REG4: variants seen among roughly 807,000 people sequenced by gnomAD.
REG4 encodes the protein regenerating family member 4.
A neutral mutation model predicts 22.3 loss-of-function variants in REG4; 16 were observed. That is an observed-to-expected ratio of 0.72 (90% CI 0.49 to 1.09). REG4 has a LOEUF of 1.09. Ranked by LOEUF, REG4 falls within the 50% of genes least tolerant of loss-of-function variation. The pLI, the probability that REG4 is intolerant of heterozygous loss-of-function variation, is 0.00. For missense variants in REG4, 214 were observed against 193.9 expected (o/e 1.10, Z -0.61); for synonymous variants, 71 against 69.2 (o/e 1.03, Z -0.13).
At position 119,811,397 on chromosome 1, in the gene REG4, G is replaced by A. The variant is rs920977854; in HGVS notation, c.-95+12C>T. On this transcript the variant is annotated intron_variant, in intron 1 of 5. Transcript: ENST00000256585. ...AAGAAAGTCCCCCATCATCAACCGC[G>A]AGGAGGATTACCTGTTTGGCAACCA... 2.6e-5 allele frequency: 4 copies of A among 151,880 alleles called. No individual in the cohort carries two copies. The highest frequency in any genetic ancestry group is 7.3e-5 in the African/African-American group (3 of 41,256). The allele number at this position is 151,880 out of a possible 1,614,324, so 9.4% of individuals were successfully genotyped here.
At chr1:119,810,094 G>C (rs1360383299) in intron 1 of REG4, among the ~76,000 whole-genome samples, 2 of 151,624 alleles carry the variant, frequency 1.3e-5, no homozygotes, top group Admixed American at 6.6e-5. Flanking sequence ...TTCTCAGTTT[G>C]TATTTTTCTC....
chr1:119,799,422 A>G (rs1654032564), intron 4 of REG4, among the ~76,000 whole-genome samples: 1 of 148,596 alleles, frequency 6.7e-6, no homozygotes, highest in African/African-American at 2.6e-5. Context: ...ACACACACAC[A>G]CACACACACA....
chr1:119,799,579 T>G, intron 4 of REG4, 146 bp downstream of exon 4: 2 of 1,014,700 alleles, frequency 2.0e-6, no homozygotes, highest in Non-Finnish European at 2.9e-6. Context: ...CCCCTGACCT[T>G]GAGACTTTGG....
rs1300224153 is a variant in REG4, at chr1:119,808,815, C to A, written c.-46G>T. The A allele has an allele frequency of 7.1e-7, 1 of 1,415,294 alleles. No individual in the cohort carries two copies. The highest frequency in any genetic ancestry group is 1.0e-6 in the Non-Finnish European group (1 of 1,003,174). The allele number at this position is 1,415,294 out of a possible 1,614,324, so 87.7% of individuals were successfully genotyped here. A position where few individuals can be genotyped will look rare whatever the true frequency, so the allele number is the denominator to read the frequency against. On this transcript the variant is annotated 5_prime_UTR_variant, in exon 2 of 6. Coordinates refer to ENST00000256585, the MANE Select transcript of REG4 (RefSeq NM_032044.4). ...GTAGCTAGTGCAAGGATCTCAGAGA[C>A]CTTACTAGCGCTTCTTTGAAACTCC...
At chr1:119,797,631 G>A (rs989729915) in intron 5 of REG4, among the ~76,000 whole-genome samples, 6 of 152,162 alleles carry the variant, frequency 3.9e-5, no homozygotes, top group East Asian at 3.9e-4. Context: ...TCAAGTATAC[G>A]ACCTTTGGCA....
intron 2 of REG4, among the ~76,000 whole-genome samples, chr1:119,804,559 A>G (rs1290646307): frequency 6.6e-6 from 1 of 152,272 alleles, no homozygotes; most frequent in Non-Finnish European, 1.5e-5. Flanking sequence ...TATACTACAA[A>G]CAAACAGCAA....
At chr1:119,797,980 G>A (rs965648827) in intron 5 of REG4, among the ~76,000 whole-genome samples, 24 of 152,340 alleles carry the variant, frequency 1.6e-4, no homozygotes, top group African/African-American at 5.5e-4. Flanking sequence ...AGGCTCACGC[G>A]AGTGTGTGCA....
chr1:119,805,343 G>A (rs73000462), intron 2 of REG4, among the ~76,000 whole-genome samples: 3,036 of 152,214 alleles, frequency 0.02, 114 homozygotes, highest in African/African-American at 0.07. Flanking sequence ...GTGGCAAAGA[G>A]GAACCCAAAT....
rs771774182 is a variant in REG4, at chr1:119,799,847, A to T, written c.181T>A (p.Tyr61Asn). The change falls in exon 4 of 6, where the codon TAC (tyrosine) becomes AAC (asparagine). Residue 61 changes from tyrosine (Y) to asparagine (N), a missense_variant. Coordinates refer to ENST00000256585, the MANE Select transcript of REG4 (RefSeq NM_032044.4). ...WSDAELECQS[Y>N]GNGAHLASIL... The stretch of plus-strand genomic sequence containing the variant: ...GATGCCAGGTGGGCTCCGTTTCCGT[A>T]AGACTGACACTCGAGCTATGTACAA... 6.2e-7 allele frequency: 1 copy of T among 1,614,026 alleles called. No individual in the cohort carries two copies. The highest frequency in any genetic ancestry group is 1.3e-5 in the African/African-American group (1 of 75,046).
chr1:119,806,819 A>T (rs1654335107), intron 2 of REG4, among the ~76,000 whole-genome samples: 1 of 152,184 alleles, frequency 6.6e-6, no homozygotes, highest in Non-Finnish European at 1.5e-5. Context: ...CACTTATTAC[A>T]TGTATGACCT....
At chr1:119,806,116 T>C (rs748590728) in intron 2 of REG4, among the ~76,000 whole-genome samples, 12 of 152,204 alleles carry the variant, frequency 7.9e-5, no homozygotes, top group South Asian at 2.1e-4. Flanking sequence ...TACTTTTTTT[T>C]TAGTAGAGAC....
chr1:119,797,716 CA>C (rs1468730425), intron 5 of REG4, among the ~76,000 whole-genome samples: 2 of 152,198 alleles, frequency 1.3e-5, no homozygotes, highest in Admixed American at 6.5e-5. Flanking sequence ...TGGTTCTCAC[CA>C]GGGGGTGAAT....
At chr1:119,801,574 G>A (rs959498420) in intron 3 of REG4, 1 of 152,274 alleles carries the variant, frequency 6.6e-6, no homozygotes, top group Admixed American at 6.5e-5. Context: ...GTACTGCTGG[G>A]GCTGTAACTA....
intron 2 of REG4, among the ~76,000 whole-genome samples, chr1:119,807,180 G>A (rs143713936): frequency 6.6e-6 from 1 of 152,344 alleles, no homozygotes; most frequent in Non-Finnish European, 1.5e-5. Context: ...CACTGTGGAA[G>A]CAATAAGAGT....
intron 2 of REG4, 130 bp from the exon 3 acceptor site, chr1:119,803,295 C>A: frequency 1.1e-6 from 1 of 874,976 alleles, no homozygotes. Flanking sequence ...GCTACACTGC[C>A]AAAAATGTAT....
intron 2 of REG4, among the ~76,000 whole-genome samples, chr1:119,807,684 T>C (rs752242099): frequency 6.6e-5 from 10 of 152,118 alleles, no homozygotes; most frequent in Non-Finnish European, 1.5e-4. Flanking sequence ...CTGAGCAGCC[T>C]GCGATAGTTC....
chr1:119,810,219 G>C (rs587758730), intron 1 of REG4, among the ~76,000 whole-genome samples: 1 of 151,846 alleles, frequency 6.6e-6, no homozygotes, highest in Non-Finnish European at 1.5e-5. Flanking sequence ...GTCACATAAG[G>C]TTAAAATATT....
intron 2 of REG4, among the ~76,000 whole-genome samples, chr1:119,807,699 A>T (rs751312520): frequency 1.8e-4 from 28 of 152,182 alleles, no homozygotes; most frequent in Non-Finnish European, 3.1e-4. Context: ...TAGTTCAGTG[A>T]ACTGGTGTAG....
At position 119,798,483 on chromosome 1, in the gene REG4, G is replaced by A. The variant is rs1426406615; in HGVS notation, c.409+14C>T. On this transcript the variant is annotated intron_variant, in intron 5 of 5. Coordinates refer to ENST00000256585, the MANE Select transcript of REG4 (RefSeq NM_032044.4). ...GCATTGGGAAGTGGTGAGGGGTGGT[G>A]CATTATAACTTACTGTTATTGGAGC... The A allele has an allele frequency of 6.3e-7, 1 of 1,592,532 alleles. No individual in the cohort carries two copies. The highest frequency in any genetic ancestry group is 1.7e-5 in the Admixed American group (1 of 60,004).
Sources: gnomAD v4.1 joint callset for allele counts (sites outside exome capture counted in the v4.1 genomes callset) on GRCh38, gnomAD v4.1.1 for gene constraint, MANE v1.5 for transcripts, NCBI Gene and HGNC (gene_info 2026-07-23, HGNC 2026-07-21) for gene names.